The following ANO5 variants were observed in gnomAD, a reference collection of about 807,000 sequenced individuals.
The protein encoded by ANO5 is anoctamin-5.
Under a neutral mutation model 121.0 loss-of-function variants are expected in ANO5, and 109 were observed. That is an observed-to-expected ratio of 0.90 (90% CI 0.77 to 1.06). The LOEUF (loss-of-function observed/expected upper bound fraction) is 1.06, where lower values mean the gene tolerates loss of function less well. ANO5 is among the 50% of genes least tolerant of loss of function. The pLI, the probability that ANO5 is intolerant of heterozygous loss-of-function variation, is 0.00. For missense variants in ANO5, 1,064 were observed against 1,078.5 expected (o/e 0.99, Z 0.19); for synonymous variants, 406 against 359.9 (o/e 1.13, Z -1.45).
At chr11:22,243,897 A>C (rs946217472) in intron 9 of ANO5, among the ~76,000 whole-genome samples, 3 of 152,080 alleles carry the variant, frequency 2.0e-5, no homozygotes, top group African/African-American at 7.2e-5. Flanking sequence ...AGATTTTTGC[A>C]TCTCAGCATC....
At chr11:22,199,976 T>C (rs1477136942) in intron 1 of ANO5, among the ~76,000 whole-genome samples, 1 of 152,166 alleles carries the variant, frequency 6.6e-6, no homozygotes, top group Admixed American at 6.5e-5. Flanking sequence ...TGGTCTGTCC[T>C]TCACTTTAAA....
Position 22,221,328 on chromosome 11 carries a change from C to T in ANO5, c.294+118C>T, listed in dbSNP as rs1267871704. The T allele has an allele frequency of 1.4e-5, 12 of 849,776 alleles. No individual in the cohort carries two copies. The East Asian group carries it at 2.9e-4, about 21-fold the overall frequency. 52.6% of individuals were successfully genotyped at this position (849,776 alleles called of 1,614,324 possible). A position where few individuals can be genotyped will look rare whatever the true frequency, so the allele number is the denominator to read the frequency against. ...AGAGGCCCTGAAGTGTTACTGAAAA[C>T]TGAAACTGAATGAGATAACTGTAAA... is the stretch of plus-strand genomic sequence containing the variant. On this transcript the variant is annotated intron_variant, in intron 5 of 21. Coordinates refer to ENST00000324559, the MANE Select transcript of ANO5 (RefSeq NM_213599.3).
intron 12 of ANO5, among the ~76,000 whole-genome samples, chr11:22,254,341 G>A (rs1053399695): frequency 2.0e-5 from 3 of 152,156 alleles, no homozygotes; most frequent in African/African-American, 7.2e-5. Context: ...ACAATTATGA[G>A]TTAATATTGG....
chr11:22,273,561 G>A (rs942361412), intron 19 of ANO5, among the ~76,000 whole-genome samples: 3 of 152,000 alleles, frequency 2.0e-5, no homozygotes, highest in Non-Finnish European at 2.9e-5. Flanking sequence ...CACTATTACA[G>A]ATAACTCCAT....
At chr11:22,269,089 GAAGGAAGC>G (rs1854478655) in intron 17 of ANO5, among the ~76,000 whole-genome samples, 1 of 150,598 alleles carries the variant, frequency 6.6e-6, no homozygotes, top group Non-Finnish European at 1.5e-5. Flanking sequence ...AGGAAGGACG[GAAGGAAGC>G]AAGGAAGGAA....
intron 1 of ANO5, among the ~76,000 whole-genome samples, chr11:22,202,880 A>C (rs1852005217): frequency 6.6e-6 from 1 of 152,182 alleles, no homozygotes. Context: ...CCTTAAATCC[A>C]GTATAACTTC....
At chr11:22,215,810 T>G (rs1308916481) in intron 3 of ANO5, among the ~76,000 whole-genome samples, 2 of 151,922 alleles carry the variant, frequency 1.3e-5, no homozygotes, top group African/African-American at 4.8e-5. Context: ...AATTTCCCTT[T>G]AGCGGTTTTC....
intron 17 of ANO5, among the ~76,000 whole-genome samples, chr11:22,268,940 G>T (rs747108419): frequency 1.3e-5 from 2 of 152,018 alleles, no homozygotes; most frequent in South Asian, 2.1e-4. Flanking sequence ...AAAGGTCAAG[G>T]CCGCAGTGAG....
intron 3 of ANO5, among the ~76,000 whole-genome samples, chr11:22,216,973 A>G (rs2133573148): frequency 6.6e-6 from 1 of 152,124 alleles, no homozygotes; most frequent in East Asian, 1.9e-4. Flanking sequence ...ATACCAAGAA[A>G]ATAAAAACAC....
intron 13 of ANO5, among the ~76,000 whole-genome samples, chr11:22,256,029 T>C (rs1853991045): frequency 6.6e-6 from 1 of 152,208 alleles, no homozygotes; most frequent in Non-Finnish European, 1.5e-5. Flanking sequence ...TAACTTTTCT[T>C]CACACGGCCC....
At chr11:22,246,856 CAAAAAAAA>C (rs10565920) in intron 9 of ANO5, among the ~76,000 whole-genome samples, 7 of 62,220 alleles carry the variant, frequency 1.1e-4, no homozygotes, top group Admixed American at 2.3e-4. Flanking sequence ...GACCCTGTTT[CAAAAAAAA>C]AAAAAAAAAA....
intron 1 of ANO5, among the ~76,000 whole-genome samples, chr11:22,200,847 G>A (rs1342550125): frequency 6.6e-6 from 1 of 151,384 alleles, no homozygotes; most frequent in Admixed American, 6.6e-5. Flanking sequence ...TGCTGATATA[G>A]GATTTGAATT....
intron 9 of ANO5, among the ~76,000 whole-genome samples, chr11:22,243,999 G>A (rs1853528188): frequency 1.3e-5 from 1 of 74,664 alleles, no homozygotes; most frequent in African/African-American, 3.7e-5. Flanking sequence ...TCTTTATAGT[G>A]TCTTTGGGCT....
intron 3 of ANO5, among the ~76,000 whole-genome samples, chr11:22,215,636 A>G (rs1852414819): frequency 6.6e-6 from 1 of 151,920 alleles, no homozygotes; most frequent in South Asian, 2.1e-4. Context: ...CATCTCAACA[A>G]CATGCATTAT....
At position 22,218,274 on chromosome 11, in the gene ANO5, G is replaced by T; in HGVS notation, c.167G>T (p.Arg56Met). The stretch of plus-strand genomic sequence containing the variant: ...GCAAAGCGATTCAATTTGTTCCTGA[G>T]GCGGCGGCTTATGGTAAAACCAGTG... ...MPAKRFNLFL[R>M]RRLMFQKNQQ... Residue 56 changes from arginine to methionine, a missense_variant, in exon 4 of 22, where the codon AGG (arginine) becomes ATG (methionine). Physicochemically the swap from Arg to Met is moderately conservative, Grantham distance 91. Coordinates refer to ENST00000324559, the MANE Select transcript of ANO5 (RefSeq NM_213599.3). 6.2e-7 allele frequency: 1 copy of T among 1,613,368 alleles called. No individual in the cohort carries two copies. Among genetic ancestry groups the T allele is most frequent in the Non-Finnish European group, 8.5e-7 (1 of 1,179,670 alleles).
intron 9 of ANO5, among the ~76,000 whole-genome samples, chr11:22,246,856 CAAAAAAAAAAAAA>C (rs10565920): frequency 1.6e-5 from 1 of 62,218 alleles, no homozygotes; most frequent in Admixed American, 2.3e-4. Context: ...GACCCTGTTT[CAAAAAAAAAAAAA>C]AAAAAAAAAA....
intron 8 of ANO5, among the ~76,000 whole-genome samples, chr11:22,238,121 A>G (rs1402464784): frequency 4.6e-5 from 7 of 152,090 alleles, no homozygotes; most frequent in Non-Finnish European, 1.0e-4. Context: ...CAGAGGGCCC[A>G]CTGTCACAAT....
chr11:22,267,914 T>C (rs1030425682), intron 17 of ANO5, among the ~76,000 whole-genome samples: 1 of 152,200 alleles, frequency 6.6e-6, no homozygotes, highest in African/African-American at 2.4e-5. Flanking sequence ...TCCAGCTCCA[T>C]CCATGTTCCT....
chr11:22,228,876 T>C (rs1852937063), intron 7 of ANO5, among the ~76,000 whole-genome samples: 1 of 151,968 alleles, frequency 6.6e-6, no homozygotes, highest in Non-Finnish European at 1.5e-5. Flanking sequence ...TCTTCATTCA[T>C]TCATTGATGG....
Sources: gnomAD v4.1 joint callset for allele counts (sites outside exome capture counted in the v4.1 genomes callset) on GRCh38, gnomAD v4.1.1 for gene constraint, MANE v1.5 for transcripts, NCBI Gene and HGNC (gene_info 2026-07-23, HGNC 2026-07-21) for gene names.